Variants in HPSE2 observed in about 807,000 individuals in gnomAD.
HPSE2 encodes inactive heparanase-2.
In HPSE2, 38 loss-of-function variants were observed where a neutral mutation model predicts 60.5. The ratio of observed to expected loss-of-function variants is 0.63; its 90% CI spans 0.48 to 0.82. The LOEUF (loss-of-function observed/expected upper bound fraction) is 0.82, where lower values mean the gene tolerates loss of function less well. Ranked by LOEUF, HPSE2 falls within the 40% of genes least tolerant of loss-of-function variation. The probability of loss-of-function intolerance (pLI) is 0.00; values close to 1 mark genes in which losing one functional copy is unlikely to be tolerated. For missense variants in HPSE2, 713 were observed against 740.4 expected (o/e 0.96, Z 0.43); for synonymous variants, 295 against 293.2 (o/e 1.01, Z -0.06).
chr10:98,575,222 A>G (rs764175405), intron 9 of HPSE2, among the ~76,000 whole-genome samples: 116 of 152,216 alleles, frequency 7.6e-4, no homozygotes, highest in Non-Finnish European at 3.4e-4. Flanking sequence ...ACCTAGGCAT[A>G]ACTGAATTTG....
chr10:98,582,251 T>C (rs1340678284), intron 9 of HPSE2, among the ~76,000 whole-genome samples: 1 of 152,190 alleles, frequency 6.6e-6, no homozygotes, highest in Non-Finnish European at 1.5e-5. Context: ...GTTGGACAAA[T>C]GCAAGTTTTG....
chr10:98,486,942 C>T (rs1281403198), intron 10 of HPSE2, among the ~76,000 whole-genome samples: 2 of 152,094 alleles, frequency 1.3e-5, no homozygotes, highest in African/African-American at 2.4e-5. Context: ...ATTTGATGTC[C>T]AAGAAGCCTC....
chr10:98,827,085 A>G (rs528199477), intron 3 of HPSE2, among the ~76,000 whole-genome samples: 1 of 152,204 alleles, frequency 6.6e-6, no homozygotes, highest in East Asian at 1.9e-4. Flanking sequence ...CAGGAGTTAG[A>G]GGCTGCAATG....
At chr10:99,182,820 C>G (rs797022632) in intron 2 of HPSE2, among the ~76,000 whole-genome samples, 3 of 151,996 alleles carry the variant, frequency 2.0e-5, no homozygotes, top group South Asian at 4.2e-4. Flanking sequence ...CATGGTGAAA[C>G]CCTGTCTCTA....
intron 9 of HPSE2, among the ~76,000 whole-genome samples, chr10:98,565,583 G>A (rs1171063522): frequency 6.6e-6 from 1 of 152,134 alleles, no homozygotes; most frequent in Non-Finnish European, 1.5e-5. Flanking sequence ...TCTTTGGTGG[G>A]CATTTGGGTT....
chr10:99,157,841 G>T (rs1362058133), intron 2 of HPSE2, among the ~76,000 whole-genome samples: 1 of 120,250 alleles, frequency 8.3e-6, no homozygotes, highest in African/African-American at 2.8e-5. Context: ...GAAAATTTTC[G>T]CAACCTACTC....
At chr10:99,237,135 G>A (rs1463039108), upstream of HPSE2, among the ~76,000 whole-genome samples, 7 of 152,256 alleles carry the variant, frequency 4.6e-5, no homozygotes, top group South Asian at 1.2e-3. Context: ...CCTGAAGCGC[G>A]GGAAAGGGAT....
chr10:99,001,781 AT>A (rs1295995387), intron 3 of HPSE2, among the ~76,000 whole-genome samples: 1 of 152,130 alleles, frequency 6.6e-6, no homozygotes, highest in Admixed American at 6.5e-5. Flanking sequence ...TATGACATAA[AT>A]TTGAATCTTA....
At chr10:98,534,414 T>G (rs1017197493) in intron 9 of HPSE2, among the ~76,000 whole-genome samples, 3 of 152,122 alleles carry the variant, frequency 2.0e-5, no homozygotes, top group African/African-American at 7.2e-5. Context: ...TTTTTAATTT[T>G]TTTTTTTGAG....
the HPSE2 span, among the ~76,000 whole-genome samples, chr10:99,259,061 T>C: frequency 6.6e-6 from 1 of 152,140 alleles, no homozygotes; most frequent in African/African-American, 2.4e-5. Context: ...TGTTAGGCAC[T>C]TTGGGAGGCT....
chr10:98,769,012 A>G (rs926008341), intron 3 of HPSE2, among the ~76,000 whole-genome samples: 24 of 152,190 alleles, frequency 1.6e-4, no homozygotes, highest in African/African-American at 5.8e-4. Flanking sequence ...GCGCCACTGC[A>G]CTCCAGCCTG....
chr10:98,504,982 TAA>T (rs1942153655), intron 9 of HPSE2, among the ~76,000 whole-genome samples: 1 of 152,226 alleles, frequency 6.6e-6, no homozygotes, highest in South Asian at 2.1e-4. Context: ...TTTTTTCACT[TAA>T]CTTTATGCTT....
intron 3 of HPSE2, among the ~76,000 whole-genome samples, chr10:99,129,468 A>C (rs914929226): frequency 6.6e-6 from 1 of 152,090 alleles, no homozygotes; most frequent in South Asian, 2.1e-4. Flanking sequence ...CTAGAAATTA[A>C]CTCCAAAAGA....
At chr10:98,969,155 C>T (rs1955887547) in intron 3 of HPSE2, among the ~76,000 whole-genome samples, 3 of 152,006 alleles carry the variant, frequency 2.0e-5, no homozygotes, top group Admixed American at 2.0e-4. Flanking sequence ...GAGAGCATGA[C>T]ATCTCAATGA....
intron 3 of HPSE2, among the ~76,000 whole-genome samples, chr10:99,110,645 G>A (rs1422440298): frequency 6.6e-6 from 1 of 151,954 alleles, no homozygotes; most frequent in African/African-American, 2.4e-5. Context: ...CCTAACGACA[G>A]AAGAAAAATA....
At chr10:98,516,569 C>T (rs1002365290) in intron 9 of HPSE2, among the ~76,000 whole-genome samples, 1 of 152,174 alleles carries the variant, frequency 6.6e-6, no homozygotes. Flanking sequence ...CCACTACTGC[C>T]TAGAGATAAA....
the HPSE2 span, among the ~76,000 whole-genome samples, chr10:99,263,079 G>A: frequency 1.3e-5 from 2 of 152,004 alleles, no homozygotes; most frequent in Non-Finnish European, 2.9e-5. Flanking sequence ...ACATTATTCC[G>A]GATACCACAC....
chr10:98,614,180 T>C (rs1050689475), intron 9 of HPSE2, among the ~76,000 whole-genome samples: 2 of 152,196 alleles, frequency 1.3e-5, no homozygotes, highest in African/African-American at 2.4e-5. Flanking sequence ...GCATTTGATG[T>C]TAACTAATGT....
rs1181693016 is a variant in HPSE2, at chr10:98,543,160, T to TG, written c.1321-52965dup. Among the ~76,000 whole-genome samples the TG allele has an allele frequency of 9.9e-5, 15 of 151,680 alleles. No individual in the cohort carries two copies. The East Asian group carries it at 2.9e-3, about 29-fold the overall frequency. On this transcript the variant is annotated intron_variant, in intron 9 of 11. Transcript: ENST00000370552. ...AGAAACTCTACAAGCCAGAAGAGAG[T>TG]GGGGGCCAATATTCAACATTCTTAA...
Sources: gnomAD v4.1 joint callset for allele counts (sites outside exome capture counted in the v4.1 genomes callset) on GRCh38, gnomAD v4.1.1 for gene constraint, MANE v1.5 for transcripts, NCBI Gene and HGNC (gene_info 2026-07-23, HGNC 2026-07-21) for gene names.